Variants in ELFN1 observed in about 807,000 individuals in gnomAD.
ELFN1 encodes protein ELFN1.
ELFN1 carries 6 observed loss-of-function variants against 7.6 expected under a neutral mutation model. The ratio of observed to expected loss-of-function variants is 0.79; its 90% CI spans 0.43 to 1.56. ELFN1 has a LOEUF of 1.56. ELFN1 is among the 40% of genes most tolerant of loss of function. ELFN1 has a pLI of 0.01. For synonymous variants in ELFN1, 657 were observed against 588.1 expected (o/e 1.12, Z -1.70); for missense variants, 1,169 against 1,232.2 (o/e 0.95, Z 0.77).
At chr7:1,678,704 C>T (rs1353433192) in intron 1 of ELFN1, among the ~76,000 whole-genome samples, 2 of 152,238 alleles carry the variant, frequency 1.3e-5, no homozygotes, top group Admixed American at 6.5e-5. Flanking sequence ...CTGGCCCCAG[C>T]GGTCGTGGGT....
chr7:1,685,141 A>G (rs771131003), intron 1 of ELFN1, among the ~76,000 whole-genome samples: 4 of 152,120 alleles, frequency 2.6e-5, no homozygotes, highest in Non-Finnish European at 4.4e-5. Flanking sequence ...TGAATATGCC[A>G]TTCCACCACC....
intron 3 of ELFN1, among the ~76,000 whole-genome samples, chr7:1,730,078 C>A (rs1780296270): frequency 6.6e-6 from 1 of 152,276 alleles, no homozygotes; most frequent in Admixed American, 6.5e-5. Flanking sequence ...GGATGCCTTC[C>A]AGGCGGTCAT....
intron 1 of ELFN1, among the ~76,000 whole-genome samples, chr7:1,674,414 G>C (rs1263157962): frequency 1.3e-5 from 2 of 152,152 alleles, no homozygotes; most frequent in Non-Finnish European, 2.9e-5. Context: ...AGTTCCTCAG[G>C]ACTCACGGCT....
In ELFN1 at chr7:1,728,740, C is replaced by G. The variant is rs535819208; in HGVS notation, c.-293-15564C>G. Among the ~76,000 whole-genome samples the G allele has an allele frequency of 2.0e-5, 3 of 152,334 alleles. No homozygotes were observed. The East Asian group carries it at 5.8e-4, about 29-fold the overall frequency. ...GTTTTCAGAGGAGAGAAAACAGAGG[C>G]TGGGAAAGACCCAGAGTTTTGTGAG... On this transcript the variant is annotated intron_variant, in intron 3 of 3. Transcript: ENST00000424383.
intron 2 of ELFN1, among the ~76,000 whole-genome samples, chr7:1,694,718 C>G (rs1010798924): frequency 2.0e-5 from 3 of 152,190 alleles, no homozygotes; most frequent in Non-Finnish European, 4.4e-5. Context: ...GCCCTGACAC[C>G]AAGACGTCAC....
intron 3 of ELFN1, among the ~76,000 whole-genome samples, chr7:1,729,057 AGCTCCTCCTGCCCC>A (rs1337964450): frequency 1.3e-5 from 2 of 152,186 alleles, no homozygotes; most frequent in Non-Finnish European, 2.9e-5. Context: ...CTTAAAGCCC[AGCTCCTCCTGCCCC>A]GCGGAGCTGC....
chr7:1,695,709 C>T lies in ELFN1; in HGVS notation c.-456+7559C>T, dbSNP rs992595222. ...GTTGCAGTGAGCCGAGATCGCGCCA[C>T]TGCACTGCAGCCTGGGTGACAGAGC... On this transcript the variant is annotated intron_variant, in intron 2 of 3. Coordinates refer to ENST00000424383, the MANE Select transcript of ELFN1 (RefSeq NM_001128636.4). The surrounding 1 kb of genome is among the most constrained non-coding windows in gnomAD (Gnocchi z 5.1). 8.1e-5 allele frequency among the ~76,000 whole-genome samples: 11 copies of T among 136,436 alleles called. No individual in the cohort carries two copies. Among genetic ancestry groups the T allele is most frequent in the Non-Finnish European group, 1.5e-4 (10 of 65,994 alleles). The allele number at this position is 136,436 out of a possible 152,430, so 89.5% of individuals were successfully genotyped here.
At chr7:1,711,562 G>T (rs1436872028) in intron 3 of ELFN1, among the ~76,000 whole-genome samples, 1 of 129,814 alleles carries the variant, frequency 7.7e-6, no homozygotes, top group Non-Finnish European at 1.6e-5. Context: ...ACCTTGAAGA[G>T]AGAGCGAGAG....
intron 2 of ELFN1, among the ~76,000 whole-genome samples, chr7:1,688,979 A>T (rs1237760808): frequency 6.6e-6 from 1 of 152,236 alleles, no homozygotes; most frequent in Admixed American, 6.5e-5. Flanking sequence ...ATAAGTCAAC[A>T]ATATGTCAAA....
chr7:1,746,984 G>T lies in ELFN1; in HGVS notation c.2388G>T (p.Ala796=). The change falls in exon 4 of 4, where the codon GCG becomes GCT. Residue 796 remains alanine (A), a synonymous_variant. Coordinates refer to ENST00000424383, the MANE Select transcript of ELFN1 (RefSeq NM_001128636.4). ...RHKEEEEFMA[A]GHALRKKVQF... ...AGGAGGAAGAGGAGTTCATGGCCGC[G>T]GGCCATGCCCTGCGCAAGAAGGTTC... 6.4e-7 allele frequency: 1 copy of T among 1,561,518 alleles called. No homozygotes were observed. Among genetic ancestry groups the T allele is most frequent in the Middle Eastern group, 1.7e-4 (1 of 6,014 alleles).
chr7:1,675,100 C>T (rs1183419613), intron 1 of ELFN1, among the ~76,000 whole-genome samples: 1 of 68,860 alleles, frequency 1.5e-5, no homozygotes, highest in African/African-American at 1.2e-4. Flanking sequence ...CAGCCCACGG[C>T]GTGGAGGTGA....
At chr7:1,687,238 G>T (rs2128578685) in intron 1 of ELFN1, among the ~76,000 whole-genome samples, 1 of 152,266 alleles carries the variant, frequency 6.6e-6, no homozygotes, top group Admixed American at 6.5e-5. Flanking sequence ...TAATTTCAAG[G>T]ATGTGGAAAT....
In ELFN1 at chr7:1,744,365, G is replaced by A; in HGVS notation, c.-232G>A. 2 of 509,454 alleles carry A rather than the reference G, an allele frequency of 3.9e-6. No individual in the cohort carries two copies. Among genetic ancestry groups the A allele is most frequent in the South Asian group, 6.1e-5 (2 of 32,614 alleles). 31.6% of individuals were successfully genotyped at this position (509,454 alleles called of 1,614,324 possible). On this transcript the variant is annotated 5_prime_UTR_variant, in exon 4 of 4. Coordinates refer to ENST00000424383, the MANE Select transcript of ELFN1 (RefSeq NM_001128636.4). ...CAGGACACCCAGGCCCATGGGGCAG[G>A]AGGCCTCGGTCACCACAGGACTGGG...
chr7:1,666,720 A>C (rs549032367), upstream of ELFN1, among the ~76,000 whole-genome samples: 2 of 151,200 alleles, frequency 1.3e-5, no homozygotes, highest in South Asian at 4.2e-4. This position sits in a 1 kb window ranked among gnomAD's most constrained non-coding sequence, Gnocchi z 7.9. Context: ...ACCCCTCTTC[A>C]TCTGAAACCT....
rs530429655 is a variant in ELFN1 at position 1,717,694 on chromosome 7, G to A, written c.-294+8442G>A. ...AAGAAGAGTGTGTGGAACTTAGAGG[G>A]GCACAGGGTGCTTTCGGGTATGAGA... On this transcript the variant is annotated intron_variant, in intron 3 of 3. Coordinates refer to ENST00000424383, the MANE Select transcript of ELFN1 (RefSeq NM_001128636.4). Among the ~76,000 whole-genome samples, 69 of 152,228 alleles carry A rather than the reference G, an allele frequency of 4.5e-4. No homozygotes were observed. The Middle Eastern group carries it at 0.014, about 30-fold the overall frequency.
At chr7:1,728,840 G>C (rs537928514) in intron 3 of ELFN1, among the ~76,000 whole-genome samples, 4 of 152,294 alleles carry the variant, frequency 2.6e-5, no homozygotes, top group African/African-American at 9.6e-5. Flanking sequence ...TTTCACACCA[G>C]CTCCTCCGTG....
chr7:1,731,960 C>T (rs1291646970), intron 3 of ELFN1, among the ~76,000 whole-genome samples: 3 of 152,202 alleles, frequency 2.0e-5, no homozygotes, highest in Admixed American at 6.5e-5. Flanking sequence ...GGTTGCCTTC[C>T]GTTATAGGCA....
chr7:1,714,627 G>T (rs557293068), intron 3 of ELFN1, among the ~76,000 whole-genome samples: 89 of 152,270 alleles, frequency 5.8e-4, no homozygotes, highest in Middle Eastern at 3.4e-3. Context: ...AGAGCCCAAG[G>T]CCTACTATTG....
At position 1,735,944 on chromosome 7, in the gene ELFN1, A is replaced by G. The variant is rs1310951265; in HGVS notation, c.-293-8360A>G. Reference sequence around the variant, plus strand: ...CTAAGAGAGGTTAAGTGACATGCCCAAGGTCACACAGCAGGCGCACGGCAG... The same window carrying G: ...CTAAGAGAGGTTAAGTGACATGCCCGAGGTCACACAGCAGGCGCACGGCAG... On this transcript the variant is annotated intron_variant, in intron 3 of 3. Coordinates refer to ENST00000424383, the MANE Select transcript of ELFN1 (RefSeq NM_001128636.4). The surrounding 1 kb of genome is among the most constrained non-coding windows in gnomAD (Gnocchi z 5.9). Among the ~76,000 whole-genome samples, 7 of 152,132 alleles carry G rather than the reference A, an allele frequency of 4.6e-5. No homozygotes were observed. The highest frequency in any genetic ancestry group is 4.6e-4 in the Admixed American group (7 of 15,276).
Sources: allele counts gnomAD v4.1 joint callset (sites outside exome capture counted in the v4.1 genomes callset), GRCh38; gene constraint gnomAD v4.1.1; non-coding constraint Gnocchi (gnomAD v3.1); transcripts MANE v1.5; gene names NCBI Gene and HGNC (gene_info 2026-07-23, HGNC 2026-07-21).